Variants in PAMR1 observed in about 807,000 individuals in gnomAD.
PAMR1 encodes peptidase domain containing associated with muscle regeneration 1, also known as inactive serine protease PAMR1.
A neutral mutation model predicts 81.8 loss-of-function variants in PAMR1; 88 were observed. That is an observed-to-expected ratio of 1.08 (90% CI 0.91 to 1.28). The LOEUF (loss-of-function observed/expected upper bound fraction) is 1.28, where lower values mean the gene tolerates loss of function less well. Among genes scored for constraint, PAMR1 ranks in the 50% most tolerant of loss-of-function variants. The probability of loss-of-function intolerance (pLI) is 0.00; values close to 1 mark genes in which losing one functional copy is unlikely to be tolerated. For synonymous variants in PAMR1, 336 were observed against 345.3 expected, an observed-to-expected ratio of 0.97 and a Z score of 0.30; for missense variants, 935 against 919.7, an observed-to-expected ratio of 1.02 and a Z score of -0.21.
chr11:35,447,143 GCATT>G (rs965668976), intron 6 of PAMR1, among the ~76,000 whole-genome samples: 4 of 151,288 alleles, frequency 2.6e-5, no homozygotes, highest in African/African-American at 9.7e-5. Flanking sequence ...TCAGAAACTA[GCATT>G]GCAGCCCCTG....
At chr11:35,497,890 G>GA (rs1185918849) in intron 1 of PAMR1, among the ~76,000 whole-genome samples, 1 of 151,632 alleles carries the variant, frequency 6.6e-6, no homozygotes, top group Non-Finnish European at 1.5e-5. Context: ...TTTTAACATA[G>GA]AAAAAAATCA....
At chr11:35,525,369 G>A in intron 1 of PAMR1, 144 bp downstream of exon 1, 2 of 642,060 alleles carry the variant, frequency 3.1e-6, no homozygotes, top group Non-Finnish European at 2.8e-6. Flanking sequence ...CACTGGAAAA[G>A]CACCACCCCC....
At chr11:35,518,470 T>G (rs1851210677) in intron 1 of PAMR1, among the ~76,000 whole-genome samples, 1 of 151,704 alleles carries the variant, frequency 6.6e-6, no homozygotes, top group Admixed American at 6.6e-5. Flanking sequence ...CCACGTCTTA[T>G]GCCTTACGGG....
Position 35,432,244 on chromosome 11 carries a change from G to T in PAMR1, c.*112C>A. The T allele has an allele frequency of 9.9e-7, 1 of 1,009,662 alleles. No individual in the cohort carries two copies. Among genetic ancestry groups the T allele is most frequent in the Non-Finnish European group, 1.5e-6 (1 of 683,280 alleles). 62.5% of individuals were successfully genotyped at this position (1,009,662 alleles called of 1,614,324 possible). ...TTTGTCCCTGAAGTCAGAAGCCCTG[G>T]CACAGCCAAGTTCACAGGCCAAATC... On this transcript the variant is annotated 3_prime_UTR_variant, in exon 11 of 11. Coordinates refer to ENST00000619888, the MANE Select transcript of PAMR1 (RefSeq NM_001001991.3).
At chr11:35,443,876 A>G (rs1341249753) in intron 6 of PAMR1, among the ~76,000 whole-genome samples, 1 of 152,200 alleles carries the variant, frequency 6.6e-6, no homozygotes, top group Non-Finnish European at 1.5e-5. Flanking sequence ...TTGTTTCTTG[A>G]CTTTTAAATA....
At chr11:35,450,129 CAAAAAAAAAAAAAA>C (rs60887441) in intron 6 of PAMR1, among the ~76,000 whole-genome samples, 11 of 43,030 alleles carry the variant, frequency 2.6e-4, no homozygotes, top group East Asian at 1.1e-3. Context: ...TGCCTCCAGG[CAAAAAAAAAAAAAA>C]AAAAAAAAAA....
intron 1 of PAMR1, among the ~76,000 whole-genome samples, chr11:35,495,600 C>T (rs1194785010): frequency 3.3e-5 from 5 of 152,082 alleles, no homozygotes; most frequent in African/African-American, 7.2e-5. Flanking sequence ...GAAGTGAATC[C>T]GGACAAGATC....
At chr11:35,527,481 A>G (rs1417479551), upstream of PAMR1, among the ~76,000 whole-genome samples, 1 of 152,178 alleles carries the variant, frequency 6.6e-6, no homozygotes, top group East Asian at 1.9e-4. Flanking sequence ...TTCCATATCG[A>G]GATGAAATCA....
chr11:35,433,199 G>A (rs149048497), intron 10 of PAMR1, among the ~76,000 whole-genome samples: 39 of 152,318 alleles, frequency 2.6e-4, no homozygotes, highest in African/African-American at 9.1e-4. Context: ...AATGGGACCA[G>A]CATTCTAGTT....
intron 2 of PAMR1, among the ~76,000 whole-genome samples, chr11:35,493,818 T>C (rs960046349): frequency 1.3e-5 from 2 of 152,238 alleles, no homozygotes; most frequent in Admixed American, 6.5e-5. Context: ...TTTATCATTG[T>C]ATTCCCAGTA....
At chr11:35,512,283 T>C (rs1286937442) in intron 1 of PAMR1, among the ~76,000 whole-genome samples, 4 of 152,218 alleles carry the variant, frequency 2.6e-5, no homozygotes, top group Non-Finnish European at 5.9e-5. Flanking sequence ...CCACTAAGGA[T>C]ATATATGAGC....
chr11:35,516,727 T>C (rs1029032306), intron 1 of PAMR1, among the ~76,000 whole-genome samples: 1 of 152,168 alleles, frequency 6.6e-6, no homozygotes, highest in Admixed American at 6.5e-5. Context: ...CACTTTCAGG[T>C]TGTGCAAATC....
intron 2 of PAMR1, among the ~76,000 whole-genome samples, chr11:35,492,625 T>C (rs920935346): frequency 2.0e-5 from 3 of 152,232 alleles, no homozygotes; most frequent in Non-Finnish European, 4.4e-5. Context: ...ATTAGACTTA[T>C]ATTACTTATG....
At chr11:35,503,731 T>C (rs1850898560) in intron 1 of PAMR1, among the ~76,000 whole-genome samples, 1 of 152,196 alleles carries the variant, frequency 6.6e-6, no homozygotes, top group Non-Finnish European at 1.5e-5. Context: ...TTTATGACTT[T>C]ACTGAATTCA....
intron 3 of PAMR1, among the ~76,000 whole-genome samples, chr11:35,479,748 G>A (rs1850349809): frequency 6.6e-6 from 1 of 152,216 alleles, no homozygotes; most frequent in Non-Finnish European, 1.5e-5. Flanking sequence ...AAGGGGCTCT[G>A]GGGCTGGCTT....
At chr11:35,493,106 C>T (rs745898321) in intron 2 of PAMR1, among the ~76,000 whole-genome samples, 29 of 152,270 alleles carry the variant, frequency 1.9e-4, no homozygotes, top group East Asian at 5.8e-4. Context: ...TAGATCCCAA[C>T]GTGTGGTCAA....
chr11:35,482,045 T>TCC (rs1850404495), intron 3 of PAMR1, among the ~76,000 whole-genome samples: 1 of 152,220 alleles, frequency 6.6e-6, no homozygotes, highest in Admixed American at 6.5e-5. Flanking sequence ...TCTAATTAGG[T>TCC]CCCATTTGTC....
At chr11:35,510,736 G>A (rs1490171461) in intron 1 of PAMR1, among the ~76,000 whole-genome samples, 7 of 152,032 alleles carry the variant, frequency 4.6e-5, no homozygotes, top group Admixed American at 2.6e-4. Flanking sequence ...CTTGTATCAC[G>A]AACGTTTTCT....
rs776158200 is a variant in PAMR1 at position 35,470,697 on chromosome 11, G to C, written c.616C>G (p.Pro206Ala). The stretch of plus-strand genomic sequence containing the variant: ...AGTGAGGATCCTATGCTCTGGATAG[G>C]AGCTGGCCGCTCGTTGCCACAGACA... ...KRVCGNERPA[P>A]IQSIGSSLHV... The change falls in exon 5 of 11, where the codon CCT becomes GCT. Residue 206 changes from proline (P) to alanine (A), a missense_variant. Physicochemically the swap from Pro to Ala is conservative, Grantham distance 27 (BLOSUM62 -1). Transcript: ENST00000619888. 1 of 1,614,052 alleles carries C rather than the reference G, an allele frequency of 6.2e-7. No homozygotes were observed. The highest frequency in any genetic ancestry group is 1.7e-5 in the Admixed American group (1 of 60,008).
Sources: allele counts gnomAD v4.1 joint callset (sites outside exome capture counted in the v4.1 genomes callset), GRCh38; gene constraint gnomAD v4.1.1; transcripts MANE v1.5; gene names NCBI Gene and HGNC (gene_info 2026-07-23, HGNC 2026-07-21).